Variants in DAB1 observed in about 807,000 individuals in gnomAD.
The protein encoded by DAB1 is disabled homolog 1.
In DAB1, 15 loss-of-function variants were observed where a neutral mutation model predicts 64.6. The ratio of observed to expected loss-of-function variants is 0.23; its 90% CI spans 0.16 to 0.36. DAB1 has a LOEUF of 0.36. Among genes scored for constraint, DAB1 ranks in the 10% least tolerant of loss-of-function variants. DAB1 has a pLI of 1.00. For synonymous variants in DAB1, 235 were observed against 251.9 expected, an observed-to-expected ratio of 0.93 and a Z score of 0.64; for missense variants, 596 against 706.7, an observed-to-expected ratio of 0.84 and a Z score of 1.78.
chr1:57,666,521 T>C lies in DAB1; in HGVS notation n.552-16856A>G, dbSNP rs190820092. ...GTCAGTGGTACTTAGAAAATGTTTG[T>C]GCAACCAGTAGTCACTAATTCAATC... On this transcript the variant is annotated intron_variant and non_coding_transcript_variant, in intron 6 of 20. Transcript: ENST00000485760. Among the ~76,000 whole-genome samples the C allele has an allele frequency of 7.1e-4, 108 of 152,310 alleles. 1 individual carries two copies. The highest frequency in any genetic ancestry group is 7.6e-4 in the Non-Finnish European group (52 of 68,026).
chr1:58,387,942 T>G (rs1024553663), intron 3 of DAB1, among the ~76,000 whole-genome samples: 6 of 152,136 alleles, frequency 3.9e-5, no homozygotes, highest in Admixed American at 6.5e-5. Context: ...TTAGCCAGGA[T>G]GGTCTTTATC....
At chr1:57,695,852 A>G (rs1267033659) in intron 6 of DAB1, among the ~76,000 whole-genome samples, 3 of 152,190 alleles carry the variant, frequency 2.0e-5, no homozygotes, top group African/African-American at 7.2e-5. Flanking sequence ...GTGAGCTGAG[A>G]TGGTGCCACT....
At chr1:58,301,240 G>C (rs570252760) in intron 4 of DAB1, among the ~76,000 whole-genome samples, 1 of 147,350 alleles carries the variant, frequency 6.8e-6, no homozygotes, top group African/African-American at 2.5e-5. Context: ...GGAGAGGGGG[G>C]GGTCATGAAA....
chr1:58,100,957 C>G (rs145488083), intron 5 of DAB1, among the ~76,000 whole-genome samples: 2,225 of 152,272 alleles, frequency 0.015, 25 homozygotes, highest in Non-Finnish European at 0.024. Context: ...AATGAGAGAT[C>G]AGAGGAAGGG....
At chr1:58,048,542 C>A in intron 5 of DAB1, 1 of 1,140,358 alleles carries the variant, frequency 8.8e-7, no homozygotes, top group Non-Finnish European at 1.3e-6. Flanking sequence ...TCCATAACCA[C>A]CATAATTGCC....
intron 4 of DAB1, among the ~76,000 whole-genome samples, chr1:58,318,645 G>A (rs1662611600): frequency 6.6e-6 from 1 of 152,216 alleles, no homozygotes; most frequent in South Asian, 2.1e-4. Flanking sequence ...AGGAGAGCTT[G>A]GTCTAGAGCC....
At chr1:58,193,118 G>C (rs1244981311) in intron 4 of DAB1, among the ~76,000 whole-genome samples, 3 of 152,094 alleles carry the variant, frequency 2.0e-5, no homozygotes, top group African/African-American at 7.2e-5. Flanking sequence ...TTAATGGGAG[G>C]GTATTTGGGT....
intron 5 of DAB1, among the ~76,000 whole-genome samples, chr1:57,948,495 T>A (rs1318796026): frequency 6.6e-6 from 1 of 152,234 alleles, no homozygotes; most frequent in African/African-American, 2.4e-5. Context: ...AGCATCAATA[T>A]CCTGATTTGG....
intron 2 of DAB1, among the ~76,000 whole-genome samples, chr1:57,217,406 CT>C (rs1005265637): frequency 6.6e-6 from 1 of 152,026 alleles, no homozygotes. Context: ...GGTGAAGGAC[CT>C]GAATTATATG....
chr1:58,021,198 G>T (rs1557612976), intron 5 of DAB1, among the ~76,000 whole-genome samples: 1 of 152,226 alleles, frequency 6.6e-6, no homozygotes, highest in Admixed American at 6.5e-5. Context: ...CCAGCATGGG[G>T]TGGACACTGG....
intron 4 of DAB1, among the ~76,000 whole-genome samples, chr1:57,109,943 G>A (rs1158548058): frequency 1.3e-5 from 2 of 152,144 alleles, no homozygotes; most frequent in Non-Finnish European, 2.9e-5. Context: ...ACCTCCCAGG[G>A]AAGCAGAAAT....
intron 1 of DAB1, among the ~76,000 whole-genome samples, chr1:57,841,762 G>T (rs1342323322): frequency 6.6e-6 from 1 of 152,188 alleles, no homozygotes; most frequent in African/African-American, 2.4e-5. Flanking sequence ...TCCCTCCTAG[G>T]CCTCTGGGTT....
chr1:58,146,732 T>C (rs1167850892), intron 5 of DAB1, among the ~76,000 whole-genome samples: 5 of 151,894 alleles, frequency 3.3e-5, no homozygotes, highest in Admixed American at 3.3e-4. Context: ...AACAGAATAT[T>C]CTATTATAAA....
chr1:58,151,035 T>C (rs1195137176), intron 4 of DAB1, among the ~76,000 whole-genome samples: 1 of 152,242 alleles, frequency 6.6e-6, no homozygotes, highest in Non-Finnish European at 1.5e-5. Context: ...TCATTTTTTA[T>C]GGCTGCATAG....
chr1:57,229,470 C>G (rs918700186), intron 2 of DAB1, among the ~76,000 whole-genome samples: 1 of 151,828 alleles, frequency 6.6e-6, no homozygotes, highest in Non-Finnish European at 1.5e-5. Flanking sequence ...GCTGGGATTA[C>G]AGACGTGAGC....
At chr1:57,143,908 T>TTATGTATATGTATATGTA (rs144195420) in intron 3 of DAB1, among the ~76,000 whole-genome samples, 5 of 151,624 alleles carry the variant, frequency 3.3e-5, no homozygotes, top group Admixed American at 2.0e-4. Flanking sequence ...TTGAAGATGT[T>TTATGTATATGTATATGTA]TATGTATATG....
intron 5 of DAB1, among the ~76,000 whole-genome samples, chr1:58,082,389 T>C (rs1377375173): frequency 6.6e-6 from 1 of 151,128 alleles, no homozygotes; most frequent in African/African-American, 2.4e-5. Context: ...TTACAGAGCA[T>C]TGGAGAAAGA....
chr1:57,464,471 T>C (rs974387931), intron 7 of DAB1, among the ~76,000 whole-genome samples: 11 of 152,202 alleles, frequency 7.2e-5, no homozygotes, highest in African/African-American at 2.7e-4. Flanking sequence ...TGGTTTATCA[T>C]CATGTACTGG....
At chr1:57,129,550 A>T (rs1170226934) in intron 4 of DAB1, among the ~76,000 whole-genome samples, 1 of 152,202 alleles carries the variant, frequency 6.6e-6, no homozygotes, top group African/African-American at 2.4e-5. Context: ...ATTAAAAAAT[A>T]GGAAAAAGAA....
Sources: gnomAD v4.1 joint callset for allele counts (sites outside exome capture counted in the v4.1 genomes callset) on GRCh38, gnomAD v4.1.1 for gene constraint, MANE v1.5 for transcripts, NCBI Gene and HGNC (gene_info 2026-07-23, HGNC 2026-07-21) for gene names.